ENOX2: variants seen among roughly 807,000 people sequenced by gnomAD.
ENOX2 encodes ecto-NOX disulfide-thiol exchanger 2, also known as APK1 antigen.
ENOX2 carries 36 observed loss-of-function variants against 45.0 expected under a neutral mutation model. That is an observed-to-expected ratio of 0.80 (90% CI 0.61 to 1.06). The LOEUF is 1.06. ENOX2 is among the 50% of genes least tolerant of loss of function. The pLI, the probability that ENOX2 is intolerant of heterozygous loss-of-function variation, is 0.00. For missense variants in ENOX2, 423 were observed against 462.5 expected, an observed-to-expected ratio of 0.91 and a Z score of 0.78; for synonymous variants, 174 against 152.3, an observed-to-expected ratio of 1.14 and a Z score of -1.05.
chrX:130,739,308 T>C (rs1033158418), intron 3 of ENOX2, among the ~76,000 whole-genome samples: 1 of 112,603 alleles, frequency 8.9e-6, no homozygotes, highest in African/African-American at 3.2e-5. Flanking sequence ...GGGTACTGTG[T>C]TGCCAGATGA....
chrX:130,626,976 A>C (rs2035561411), intron 14 of ENOX2, among the ~76,000 whole-genome samples: 1 of 111,540 alleles, frequency 9.0e-6, no homozygotes, highest in Admixed American at 9.5e-5. Flanking sequence ...TGAGGAGTCA[A>C]GAGTCCCCTC....
chrX:130,743,139 A>G (rs2039023839), intron 3 of ENOX2, among the ~76,000 whole-genome samples: 1 of 111,888 alleles, frequency 8.9e-6, no homozygotes, highest in African/African-American at 3.3e-5. Flanking sequence ...AAACTACGAA[A>G]GCGGAACATA....
At chrX:130,844,917 T>C (rs1453999890) in intron 2 of ENOX2, among the ~76,000 whole-genome samples, 1 of 112,220 alleles carries the variant, frequency 8.9e-6, no homozygotes, top group African/African-American at 3.2e-5. Flanking sequence ...CCAATTCTCA[T>C]CTCTTAATTT....
chrX:130,641,400 C>A (rs1241960235), intron 10 of ENOX2, among the ~76,000 whole-genome samples: 3 of 111,299 alleles, frequency 2.7e-5, no homozygotes, highest in Non-Finnish European at 5.7e-5. Flanking sequence ...GGAAGAGCAT[C>A]AAAGAATGAA....
At chrX:130,749,877 A>C (rs917093038) in intron 3 of ENOX2, among the ~76,000 whole-genome samples, 1 of 110,024 alleles carries the variant, frequency 9.1e-6, no homozygotes, top group Non-Finnish European at 1.9e-5. Flanking sequence ...TCCGTCTCTC[A>C]GTCCATCCAT....
chrX:130,796,009 TG>T, intron 2 of ENOX2, among the ~76,000 whole-genome samples: 1 of 109,791 alleles, frequency 9.1e-6, no homozygotes, highest in Non-Finnish European at 1.9e-5. Context: ...GTGTTCTGGG[TG>T]GGGGGCTGTC....
chrX:130,740,587 G>A (rs920534773), intron 3 of ENOX2, among the ~76,000 whole-genome samples: 2 of 111,248 alleles, frequency 1.8e-5, no homozygotes, highest in African/African-American at 6.5e-5. Context: ...GGAGGAAGAG[G>A]ATGATTCTAG....
intron 2 of ENOX2, among the ~76,000 whole-genome samples, chrX:130,848,495 G>A (rs1326669395): frequency 8.9e-6 from 1 of 112,019 alleles, no homozygotes; most frequent in Admixed American, 9.5e-5. Context: ...TTAATAAGGT[G>A]CTAATAAGAC....
At chrX:130,637,169 T>A in intron 11 of ENOX2, 60 bp downstream of exon 11, 3 of 980,678 alleles carry the variant, frequency 3.1e-6, no homozygotes, top group Non-Finnish European at 4.4e-6. Context: ...GGGGACCCTT[T>A]TATAGGTGAG....
chrX:130,774,937 A>C (rs2039817430), intron 3 of ENOX2, among the ~76,000 whole-genome samples: 1 of 112,350 alleles, frequency 8.9e-6, no homozygotes, highest in Non-Finnish European at 1.9e-5. Flanking sequence ...TGCTAATCTT[A>C]AACAGTGATA....
At chrX:130,689,759 C>A (rs1170922003) in intron 4 of ENOX2, among the ~76,000 whole-genome samples, 1 of 111,642 alleles carries the variant, frequency 9.0e-6, no homozygotes, top group Non-Finnish European at 1.9e-5. Context: ...CCTGTTACCA[C>A]TGATTTTTTT....
chrX:130,637,481 G>T, intron 10 of ENOX2, 71 bp from the exon 11 acceptor site: 1 of 979,762 alleles, frequency 1.0e-6, no homozygotes, highest in Non-Finnish European at 1.4e-6. Context: ...ATCACAAAAA[G>T]GTTGGTTCTT....
At chrX:130,828,721 G>A (rs942992028) in intron 2 of ENOX2, among the ~76,000 whole-genome samples, 3 of 111,800 alleles carry the variant, frequency 2.7e-5, no homozygotes, top group African/African-American at 9.8e-5. Flanking sequence ...GGAGTTCTGA[G>A]GGTCAGTTAT....
intron 4 of ENOX2, among the ~76,000 whole-genome samples, chrX:130,699,932 C>T (rs2148212028): frequency 8.9e-6 from 1 of 112,366 alleles, no homozygotes; most frequent in South Asian, 3.7e-4. Context: ...ACACTAATAA[C>T]AATAGCTGAG....
chrX:130,690,982 T>C (rs1301128944), intron 4 of ENOX2, among the ~76,000 whole-genome samples: 1 of 111,237 alleles, frequency 9.0e-6, no homozygotes, highest in East Asian at 2.8e-4. Flanking sequence ...TATTTACTTT[T>C]AGCCCTCAAA....
At chrX:130,635,283 T>C in intron 11 of ENOX2, among the ~76,000 whole-genome samples, 192 bp from the exon 12 acceptor site, 1 of 112,282 alleles carries the variant, frequency 8.9e-6, no homozygotes, top group Non-Finnish European at 1.9e-5. Context: ...TCTTACGAAA[T>C]TCCTTTGAAC....
At chrX:130,842,758 T>G (rs2078037549) in intron 2 of ENOX2, among the ~76,000 whole-genome samples, 1 of 111,803 alleles carries the variant, frequency 8.9e-6, no homozygotes, top group Non-Finnish European at 1.9e-5. Context: ...CTCAGTTTTT[T>G]TTCATGAACT....
At chrX:130,754,491 A>G (rs1256994232) in intron 3 of ENOX2, among the ~76,000 whole-genome samples, 1 of 111,862 alleles carries the variant, frequency 8.9e-6, no homozygotes. Context: ...CAACCCAGGT[A>G]CCTATCAATG....
intron 3 of ENOX2, among the ~76,000 whole-genome samples, chrX:130,715,651 A>G (rs1390568108): frequency 9.0e-6 from 1 of 111,044 alleles, no homozygotes; most frequent in Non-Finnish European, 1.9e-5. Context: ...TAAACTCTCA[A>G]GCCTTAATGC....
Sources: gnomAD v4.1 joint callset for allele counts (sites outside exome capture counted in the v4.1 genomes callset) on GRCh38, gnomAD v4.1.1 for gene constraint, MANE v1.5 for transcripts, NCBI Gene and HGNC (gene_info 2026-07-23, HGNC 2026-07-21) for gene names.